The following PDLIM5 variants were observed in gnomAD, a reference collection of about 807,000 sequenced individuals.
The protein encoded by PDLIM5 is PDZ and LIM domain protein 5.
PDLIM5 carries 34 observed loss-of-function variants against 64.2 expected under a neutral mutation model. The ratio of observed to expected loss-of-function variants is 0.53; its 90% CI spans 0.40 to 0.71. PDLIM5 has a LOEUF of 0.71. Ranked by LOEUF, PDLIM5 falls within the 30% of genes least tolerant of loss-of-function variation. The pLI, the probability that PDLIM5 is intolerant of heterozygous loss-of-function variation, is 0.00. For missense variants in PDLIM5, 683 were observed against 733.6 expected (o/e 0.93, Z 0.80); for synonymous variants, 253 against 269.1 (o/e 0.94, Z 0.59).
intron 2 of PDLIM5, among the ~76,000 whole-genome samples, chr4:94,464,826 G>A (rs1391222437): frequency 6.6e-6 from 1 of 152,182 alleles, no homozygotes; most frequent in Non-Finnish European, 1.5e-5. Flanking sequence ...AGTTCTCTGA[G>A]TGATTCTTTG....
chr4:94,533,969 C>T (rs1056238441), intron 3 of PDLIM5, among the ~76,000 whole-genome samples: 3 of 152,138 alleles, frequency 2.0e-5, no homozygotes, highest in Non-Finnish European at 4.4e-5. Context: ...GTAATTAAAG[C>T]TTTTTCGAAG....
At chr4:94,552,645 C>T (rs1251263327) in intron 3 of PDLIM5, among the ~76,000 whole-genome samples, 2 of 151,718 alleles carry the variant, frequency 1.3e-5, no homozygotes, top group Admixed American at 6.6e-5. Context: ...AGTCTACTCT[C>T]GGTAAAATTA....
intron 7 of PDLIM5, among the ~76,000 whole-genome samples, chr4:94,604,636 A>G (rs569383368): frequency 1.4e-3 from 214 of 152,248 alleles, no homozygotes; most frequent in African/African-American, 4.9e-3. Context: ...TCCGTCTCCA[A>G]AAAAAGAATT....
intron 2 of PDLIM5, among the ~76,000 whole-genome samples, chr4:94,512,793 G>A (rs115663239): frequency 0.012 from 1,772 of 152,138 alleles, 33 homozygotes; most frequent in African/African-American, 0.041. Flanking sequence ...GGGTATTGCC[G>A]AAGAAATTTT....
intron 3 of PDLIM5, among the ~76,000 whole-genome samples, chr4:94,531,015 T>C (rs1448831728): frequency 2.0e-5 from 3 of 152,244 alleles, no homozygotes; most frequent in African/African-American, 7.2e-5. Context: ...CAGTTCTCTA[T>C]CTGGGACATT....
intron 8 of PDLIM5, among the ~76,000 whole-genome samples, chr4:94,628,251 A>G (rs926158142): frequency 2.0e-5 from 3 of 152,188 alleles, no homozygotes; most frequent in Admixed American, 2.0e-4. Flanking sequence ...CTTGAAATTT[A>G]GTTTTTATGC....
At chr4:94,487,615 C>T (rs533323811) in intron 2 of PDLIM5, among the ~76,000 whole-genome samples, 14 of 152,294 alleles carry the variant, frequency 9.2e-5, no homozygotes, top group African/African-American at 3.4e-4. Context: ...TTGACAGTGT[C>T]AGCCTGCCTG....
In PDLIM5 at chr4:94,665,831, G is replaced by T. The variant is rs1310387318; in HGVS notation, c.*1764G>T. 1 of 1,336,186 alleles carries T rather than the reference G, an allele frequency of 7.5e-7. No individual in the cohort carries two copies. Among genetic ancestry groups the T allele is most frequent in the African/African-American group, 1.5e-5 (1 of 66,772 alleles). 82.8% of individuals were successfully genotyped at this position (1,336,186 alleles called of 1,614,324 possible). Reference sequence around the variant, plus strand: ...GTTTGGAAAGCTTTTATTCACAGAGGTTGGGTAGTGTTGGGAGGGGAGTTT... The same window carrying T: ...GTTTGGAAAGCTTTTATTCACAGAGTTTGGGTAGTGTTGGGAGGGGAGTTT... On this transcript the variant is annotated 3_prime_UTR_variant, in exon 13 of 13. Transcript: ENST00000317968.
rs182830608 is a variant in PDLIM5 at position 94,470,216 on chromosome 4, G to T, written c.96+14832G>T. Among the ~76,000 whole-genome samples the T allele has an allele frequency of 2.0e-4, 30 of 152,022 alleles. No individual in the cohort carries two copies. The East Asian group carries it at 2.9e-3, about 15-fold the overall frequency. ...CCTGACCTCGTGATCCGCCTAGCTC[G>T]GCCTCCCAAAGTGCTGGGATTACAT... On this transcript the variant is annotated intron_variant, in intron 2 of 12. Transcript: ENST00000317968.
chr4:94,485,162 A>G (rs1036957093), intron 2 of PDLIM5, among the ~76,000 whole-genome samples: 1 of 152,186 alleles, frequency 6.6e-6, no homozygotes, highest in Non-Finnish European at 1.5e-5. Context: ...TGTGTAATGG[A>G]TATCTGTTAC....
intron 8 of PDLIM5, among the ~76,000 whole-genome samples, chr4:94,627,699 C>G (rs1007932431): frequency 7.9e-5 from 12 of 152,134 alleles, no homozygotes; most frequent in Non-Finnish European, 1.8e-4. Context: ...GCCCACAAAG[C>G]CTAAAATATT....
chr4:94,637,207 C>CA (rs1211125042), intron 8 of PDLIM5, among the ~76,000 whole-genome samples: 3 of 152,086 alleles, frequency 2.0e-5, no homozygotes, highest in Admixed American at 6.6e-5. Flanking sequence ...TCAGATTCCT[C>CA]ATAAATTAAA....
intron 7 of PDLIM5, 52 bp from the exon 8 acceptor site, chr4:94,617,952 T>C: frequency 1.1e-6 from 1 of 917,704 alleles, no homozygotes; most frequent in Non-Finnish European, 1.6e-6. Context: ...GGATTATTGC[T>C]GAGTTACGTT....
chr4:94,532,537 A>G (rs980087900), intron 3 of PDLIM5, among the ~76,000 whole-genome samples: 3 of 152,228 alleles, frequency 2.0e-5, no homozygotes, highest in African/African-American at 2.4e-5. Flanking sequence ...ATGCCTAATC[A>G]TAAGAAACAC....
Position 94,665,991 on chromosome 4 carries a change from TG to T in PDLIM5, c.*1926del. ...ATTTGCCCAGTGAGAAAACAGATTC[TG>T]GTATTTGATTTGGTTTTTCTCTTTG... On this transcript the variant is annotated 3_prime_UTR_variant, in exon 13 of 13. Transcript: ENST00000317968. 1 of 1,532,856 alleles carries T rather than the reference TG, an allele frequency of 6.5e-7. No individual in the cohort carries two copies. The highest frequency in any genetic ancestry group is 8.7e-7 in the Non-Finnish European group (1 of 1,144,918). The allele number at this position is 1,532,856 out of a possible 1,614,324, so 95.0% of individuals were successfully genotyped here. A position where few individuals can be genotyped will look rare whatever the true frequency, so the allele number is the denominator to read the frequency against.
Position 94,646,134 on chromosome 4 carries a change from C to T in PDLIM5, c.1283+5684C>T, listed in dbSNP as rs370690343. Among the ~76,000 whole-genome samples the T allele has an allele frequency of 1.1e-4, 17 of 152,300 alleles. 1 individual carries two copies. Among genetic ancestry groups the T allele is most frequent in the Admixed American group, 3.9e-4 (6 of 15,296 alleles). ...CACTGGCACAGAAATCAAAGACATG[C>T]TCTTTTTTCTTAAGAAGGTTACTGT... On this transcript the variant is annotated intron_variant, in intron 9 of 12. Coordinates refer to ENST00000317968, the MANE Select transcript of PDLIM5 (RefSeq NM_006457.5).
intron 3 of PDLIM5, among the ~76,000 whole-genome samples, chr4:94,549,380 G>A (rs1487125202): frequency 6.6e-6 from 1 of 152,034 alleles, no homozygotes; most frequent in East Asian, 1.9e-4. Flanking sequence ...CGTCTGTAGG[G>A]TTATTCCCTT....
At chr4:94,625,483 C>G (rs1239591112) in intron 8 of PDLIM5, among the ~76,000 whole-genome samples, 1 of 149,182 alleles carries the variant, frequency 6.7e-6, no homozygotes, top group Non-Finnish European at 1.5e-5. Flanking sequence ...GACAGAGTCT[C>G]TCTGTGTTGC....
chr4:94,629,308 C>T (rs1278841358), intron 8 of PDLIM5, among the ~76,000 whole-genome samples: 2 of 151,752 alleles, frequency 1.3e-5, no homozygotes, highest in Non-Finnish European at 2.9e-5. Context: ...GAGATCGCGC[C>T]ACTGCACTGT....
Sources: allele counts gnomAD v4.1 joint callset (sites outside exome capture counted in the v4.1 genomes callset), GRCh38; gene constraint gnomAD v4.1.1; transcripts MANE v1.5; gene names NCBI Gene and HGNC (gene_info 2026-07-23, HGNC 2026-07-21).